The following CDH12 variants were observed in gnomAD, a reference collection of about 807,000 sequenced individuals.
CDH12 encodes the protein cadherin 12, also known as cadherin-12.
Under a neutral mutation model 74.1 loss-of-function variants are expected in CDH12, and 41 were observed. That is an observed-to-expected ratio of 0.55 (90% CI 0.43 to 0.72). The LOEUF is 0.72. Ranked by LOEUF, CDH12 falls within the 30% of genes least tolerant of loss-of-function variation. The pLI is 0.00. For synonymous variants in CDH12, 399 were observed against 355.0 expected (o/e 1.12, Z -1.39); for missense variants, 945 against 977.2 (o/e 0.97, Z 0.44).
At chr5:22,657,326 T>G (rs1216654041) in intron 1 of CDH12, among the ~76,000 whole-genome samples, 2 of 152,180 alleles carry the variant, frequency 1.3e-5, no homozygotes, top group Non-Finnish European at 2.9e-5. Flanking sequence ...TGGAGGCTGA[T>G]TATGTGAGTA....
intron 1 of CDH12, among the ~76,000 whole-genome samples, chr5:22,667,082 G>A (rs1014496944): frequency 6.6e-6 from 1 of 152,198 alleles, no homozygotes; most frequent in African/African-American, 2.4e-5. Context: ...GAATGTGTAA[G>A]AGGTACTTAA....
chr5:22,751,481 A>G (rs1321995895), intron 1 of CDH12, among the ~76,000 whole-genome samples: 1 of 151,740 alleles, frequency 6.6e-6, no homozygotes, highest in Non-Finnish European at 1.5e-5. Flanking sequence ...TAGTAAGTTA[A>G]TTATCATTAT....
At chr5:21,878,786 AAAGAAAGAAAGAAAG>A (rs978937178) in intron 6 of CDH12, among the ~76,000 whole-genome samples, 3 of 78,372 alleles carry the variant, frequency 3.8e-5, no homozygotes, top group African/African-American at 5.5e-5. Flanking sequence ...AGAAAGAAAA[AAAGAAAGAAAGAAAG>A]AAGAAAGAAA....
chr5:21,998,007 T>C (rs928208962), intron 5 of CDH12, among the ~76,000 whole-genome samples: 2 of 152,108 alleles, frequency 1.3e-5, no homozygotes, highest in Non-Finnish European at 2.9e-5. Context: ...AGAGATTTTT[T>C]AAAAAGTTCT....
At chr5:22,055,089 G>C (rs547002422) in intron 5 of CDH12, among the ~76,000 whole-genome samples, 67 of 152,284 alleles carry the variant, frequency 4.4e-4, no homozygotes, top group African/African-American at 1.5e-3. Flanking sequence ...GATTATTGCT[G>C]AGAAGAAAGC....
intron 2 of CDH12, among the ~76,000 whole-genome samples, chr5:22,414,231 G>T (rs1324981314): frequency 6.6e-6 from 1 of 151,870 alleles, no homozygotes; most frequent in African/African-American, 2.4e-5. Context: ...GAATGTACAT[G>T]AATTCAATTT....
chr5:22,258,398 C>T (rs1186994514), intron 3 of CDH12, among the ~76,000 whole-genome samples: 1 of 152,058 alleles, frequency 6.6e-6, no homozygotes, highest in Non-Finnish European at 1.5e-5. Flanking sequence ...CCTTAACTCC[C>T]GAGCTATGAT....
At position 22,408,701 on chromosome 5, in the gene CDH12, T is replaced by C. The variant is rs531102220; in HGVS notation, c.-427-3350A>G. Among the ~76,000 whole-genome samples, 7 of 151,734 alleles carry C rather than the reference T, an allele frequency of 4.6e-5. No individual in the cohort carries two copies. In the East Asian group the frequency reaches 7.7e-4, roughly 17 times the overall value. On this transcript the variant is annotated intron_variant, in intron 2 of 14. Coordinates refer to ENST00000382254, the MANE Select transcript of CDH12 (RefSeq NM_004061.5). ...GCACATGTAAATGTTCATGAATGTA[T>C]TGCTGCCCACATCACTAAATTAGAC...
intron 3 of CDH12, among the ~76,000 whole-genome samples, chr5:22,280,651 C>T (rs1223632459): frequency 1.3e-5 from 2 of 152,176 alleles, no homozygotes; most frequent in Non-Finnish European, 2.9e-5. Context: ...TCGACACATA[C>T]ACCCTCCCAA....
In CDH12 at chr5:21,770,556, A is replaced by G. The variant is rs371800613; in HGVS notation, c.1394-5457T>C. Among the ~76,000 whole-genome samples, 10 of 151,854 alleles carry G rather than the reference A, an allele frequency of 6.6e-5. No individual in the cohort carries two copies. The South Asian group carries it at 8.3e-4, about 13-fold the overall frequency. On this transcript the variant is annotated intron_variant, in intron 11 of 14. Transcript: ENST00000382254. ...TCTCTTGAACCCGAGAGGTGGAGGT[A>G]ACAGTGAGCTGAGATTGTGCCATTG...
intron 5 of CDH12, among the ~76,000 whole-genome samples, chr5:22,077,225 T>A (rs1281432281): frequency 6.6e-6 from 1 of 152,124 alleles, no homozygotes; most frequent in Non-Finnish European, 1.5e-5. Flanking sequence ...TAGTGGAAAC[T>A]CTGGTTATAT....
intron 6 of CDH12, among the ~76,000 whole-genome samples, chr5:21,890,726 T>A (rs1752859095): frequency 6.6e-6 from 1 of 152,106 alleles, no homozygotes; most frequent in Non-Finnish European, 1.5e-5. Context: ...AGGACAAACA[T>A]GTTAGGATTC....
intron 4 of CDH12, among the ~76,000 whole-genome samples, chr5:22,101,995 G>T (rs1018492103): frequency 6.6e-6 from 1 of 152,094 alleles, no homozygotes; most frequent in Admixed American, 6.6e-5. Flanking sequence ...ACAAAATCAG[G>T]AAATGACCTG....
At chr5:22,403,647 G>A (rs1247647286) in intron 3 of CDH12, among the ~76,000 whole-genome samples, 1 of 152,070 alleles carries the variant, frequency 6.6e-6, no homozygotes, top group Admixed American at 6.6e-5. Context: ...ATCATAAATG[G>A]TACTACCTTA....
chr5:22,280,393 A>G (rs1325198525), intron 3 of CDH12, among the ~76,000 whole-genome samples: 1 of 152,188 alleles, frequency 6.6e-6, no homozygotes. Flanking sequence ...TGAAGGAGAT[A>G]GAGACACGAA....
intron 8 of CDH12, among the ~76,000 whole-genome samples, chr5:21,832,043 TA>T (rs1749053224): frequency 6.6e-6 from 1 of 152,096 alleles, no homozygotes; most frequent in African/African-American, 2.4e-5. Flanking sequence ...TTGGTAAGAT[TA>T]GGGGCAATAT....
intron 3 of CDH12, among the ~76,000 whole-genome samples, chr5:22,227,543 A>G (rs1192164845): frequency 1.3e-5 from 2 of 152,170 alleles, no homozygotes; most frequent in East Asian, 1.9e-4. Flanking sequence ...AAGAGCTGCT[A>G]CACTTGAAAC....
At chr5:22,178,313 A>G (rs908052460) in intron 4 of CDH12, among the ~76,000 whole-genome samples, 6 of 152,266 alleles carry the variant, frequency 3.9e-5, no homozygotes, top group Non-Finnish European at 8.8e-5. Flanking sequence ...ATGCTCATTA[A>G]AGCCTTCCTT....
At chr5:22,054,423 G>A (rs778180599) in intron 5 of CDH12, among the ~76,000 whole-genome samples, 3 of 151,650 alleles carry the variant, frequency 2.0e-5, no homozygotes, top group South Asian at 2.1e-4. Context: ...ATTTAGTTTC[G>A]GCCTTCTAAG....
Sources: allele counts gnomAD v4.1 joint callset (sites outside exome capture counted in the v4.1 genomes callset), GRCh38; gene constraint gnomAD v4.1.1; transcripts MANE v1.5; gene names NCBI Gene and HGNC (gene_info 2026-07-23, HGNC 2026-07-21).